UTP18: variants seen among roughly 807,000 people sequenced by gnomAD.
UTP18 encodes the protein U3 small nucleolar RNA-associated protein 18 homolog.
In UTP18, 36 loss-of-function variants were observed where a neutral mutation model predicts 61.1. That is an observed-to-expected ratio of 0.59 (90% CI 0.45 to 0.78). The LOEUF (loss-of-function observed/expected upper bound fraction) is 0.78, where lower values mean the gene tolerates loss of function less well. Ranked by LOEUF, UTP18 falls within the 30% of genes least tolerant of loss-of-function variation. The pLI, the probability that UTP18 is intolerant of heterozygous loss-of-function variation, is 0.00. For synonymous variants in UTP18, 282 were observed against 251.1 expected (o/e 1.12, Z -1.16); for missense variants, 753 against 693.9 (o/e 1.09, Z -0.96).
intron 7 of UTP18, among the ~76,000 whole-genome samples, chr17:51,278,842 AG>A (rs765817335): frequency 1.3e-5 from 2 of 152,200 alleles, no homozygotes; most frequent in Admixed American, 6.5e-5. Context: ...CATAGTAAGG[AG>A]ACTAGTCATC....
intron 1 of UTP18, 43 bp downstream of exon 1, chr17:51,260,969 GGCGCGCGGTGGGCGGT>G (rs1433816745): frequency 7.0e-7 from 1 of 1,423,742 alleles, no homozygotes; most frequent in African/African-American, 1.5e-5. Context: ...ACTCGGGCGG[GGCGCGCGGTGGGCGGT>G]GAAGCTCCGG....
At chr17:51,277,381 T>C in intron 7 of UTP18, 77 bp downstream of exon 7, 1 of 1,480,140 alleles carries the variant, frequency 6.8e-7, no homozygotes, top group Non-Finnish European at 9.2e-7. Context: ...ACAACACTTT[T>C]TTCACTCCAT....
At chr17:51,295,412 A>G (rs954202194) in intron 12 of UTP18, among the ~76,000 whole-genome samples, 2 of 152,160 alleles carry the variant, frequency 1.3e-5, no homozygotes, top group Admixed American at 1.3e-4. Context: ...TCAGCTTTCT[A>G]CATATGGCTA....
At chr17:51,282,198 G>T (rs1161966476) in intron 9 of UTP18, among the ~76,000 whole-genome samples, 1 of 152,084 alleles carries the variant, frequency 6.6e-6, no homozygotes, top group East Asian at 1.9e-4. Flanking sequence ...CCTCTGTAAA[G>T]CTTTTTAGCA....
intron 5 of UTP18, among the ~76,000 whole-genome samples, chr17:51,275,659 G>C (rs1272008776): frequency 6.6e-6 from 1 of 151,704 alleles, no homozygotes; most frequent in Non-Finnish European, 1.5e-5. Context: ...TGGTAAAAAT[G>C]GATTCTTTTG....
intron 4 of UTP18, among the ~76,000 whole-genome samples, chr17:51,272,723 T>C (rs1455756585): frequency 6.6e-6 from 1 of 152,232 alleles, no homozygotes; most frequent in African/African-American, 2.4e-5. Context: ...TCTTTAATCC[T>C]AGTGGTAGCC....
chr17:51,295,162 T>C (rs753488023), intron 12 of UTP18, among the ~76,000 whole-genome samples: 3 of 152,234 alleles, frequency 2.0e-5, no homozygotes, highest in Non-Finnish European at 2.9e-5. Flanking sequence ...CTGTTTACTC[T>C]GATGGTAGTT....
At chr17:51,295,557 A>G (rs889862262) in intron 12 of UTP18, among the ~76,000 whole-genome samples, 4 of 152,094 alleles carry the variant, frequency 2.6e-5, no homozygotes, top group Admixed American at 6.5e-5. Flanking sequence ...CCATTGGTCT[A>G]TATCTCTGTT....
intron 11 of UTP18, chr17:51,288,627 A>G (rs1292953698): frequency 4.4e-6 from 2 of 456,084 alleles, no homozygotes; most frequent in Non-Finnish European, 8.8e-6. Context: ...GTATAAAAGT[A>G]TTGTAATTTA....
chr17:51,279,973 A>C, intron 7 of UTP18, 32 bp from the exon 8 acceptor site: 1 of 1,539,486 alleles, frequency 6.5e-7, no homozygotes, highest in Non-Finnish European at 8.9e-7. Context: ...ACTATATAAA[A>C]CTTTATTTAA....
chr17:51,280,399 T>C lies in UTP18; in HGVS notation c.1124T>C (p.Leu375Pro). Residue 375 changes from leucine (L) to proline (P), a missense_variant, in exon 9 of 14, where the codon CTG becomes CCG. Leu to Pro is a moderately conservative substitution (Grantham distance 98, BLOSUM62 -3). Transcript: ENST00000225298. ...TATTTATTGTTTTAGACCAAAGAAC[T>C]GATTGGAAGCATGAAAATTAATGGA... Reference protein sequence around the residue: ...LHLLAMKTKELIGSMKINGRV... With the variant: ...LHLLAMKTKEPIGSMKINGRV... 6.2e-7 allele frequency: 1 copy of C among 1,614,120 alleles called. No individual in the cohort carries two copies. Among genetic ancestry groups the C allele is most frequent in the East Asian group, 2.2e-5 (1 of 44,886 alleles).
At chr17:51,268,000 GTTTTTTGTTTTTTGT>G (rs1904356761) in intron 3 of UTP18, among the ~76,000 whole-genome samples, 1 of 142,690 alleles carries the variant, frequency 7.0e-6, no homozygotes, top group African/African-American at 2.6e-5. Context: ...TTGTTTTTTT[GTTTTTTGTTTTTTGT>G]TTTTTTTTTT....
At chr17:51,281,578 T>G (rs150141548) in intron 9 of UTP18, among the ~76,000 whole-genome samples, 1 of 152,056 alleles carries the variant, frequency 6.6e-6, no homozygotes, top group Non-Finnish European at 1.5e-5. Flanking sequence ...TAAGGAGGAT[T>G]TGAGGGCAGG....
intron 11 of UTP18, among the ~76,000 whole-genome samples, chr17:51,289,959 T>C (rs1219362484): frequency 1.3e-5 from 2 of 152,136 alleles, no homozygotes; most frequent in Admixed American, 6.5e-5. Context: ...TAGCAGTTCA[T>C]TGGTTTTCTG....
chr17:51,273,487 A>G, intron 5 of UTP18, 37 bp downstream of exon 5: 4 of 1,498,082 alleles, frequency 2.7e-6, no homozygotes, highest in African/African-American at 1.4e-5. Context: ...CTATCTAACT[A>G]CTTACCTCTG....
intron 2 of UTP18, among the ~76,000 whole-genome samples, chr17:51,264,393 C>T (rs1257289009): frequency 1.3e-5 from 2 of 152,098 alleles, no homozygotes; most frequent in Non-Finnish European, 2.9e-5. Context: ...TGTTTATCAC[C>T]TCTTTATGTA....
intron 11 of UTP18, among the ~76,000 whole-genome samples, chr17:51,292,556 C>T (rs1053807505): frequency 6.6e-6 from 1 of 152,238 alleles, no homozygotes; most frequent in African/African-American, 2.4e-5. Flanking sequence ...GTGAAAATCA[C>T]TTTGATGGTA....
intron 1 of UTP18, among the ~76,000 whole-genome samples, chr17:51,262,697 G>T (rs978558243): frequency 2.0e-5 from 3 of 152,042 alleles, no homozygotes; most frequent in African/African-American, 7.3e-5. Flanking sequence ...GGCCACAGGT[G>T]CACACCACAC....
At chr17:51,261,067 G>A in intron 1 of UTP18, 141 bp downstream of exon 1, 2 of 732,462 alleles carry the variant, frequency 2.7e-6, no homozygotes, top group East Asian at 3.7e-5. Flanking sequence ...CGCGGGCGCG[G>A]AGGGTCGCAG....
Sources: gnomAD v4.1 joint callset for allele counts (sites outside exome capture counted in the v4.1 genomes callset) on GRCh38, gnomAD v4.1.1 for gene constraint, MANE v1.5 for transcripts, NCBI Gene and HGNC (gene_info 2026-07-23, HGNC 2026-07-21) for gene names.